The following WWC2 variants were observed in gnomAD, a reference collection of about 807,000 sequenced individuals.
WWC2 encodes the protein protein WWC2.
A neutral mutation model predicts 138.5 loss-of-function variants in WWC2; 101 were observed. That is an observed-to-expected ratio of 0.73 (90% CI 0.62 to 0.86). The LOEUF is 0.86. Ranked by LOEUF, WWC2 falls within the 40% of genes least tolerant of loss-of-function variation. The pLI is 0.00. For missense variants in WWC2, 1,420 were observed against 1,419.4 expected (o/e 1.00, Z -0.01); for synonymous variants, 558 against 538.4 (o/e 1.04, Z -0.50).
At chr4:183,157,037 G>A (rs185611748) in intron 1 of WWC2, among the ~76,000 whole-genome samples, 34 of 152,170 alleles carry the variant, frequency 2.2e-4, no homozygotes, top group Non-Finnish European at 4.7e-4. Context: ...ACACTATAAT[G>A]ATCTATATAT....
At chr4:183,221,214 A>C (rs1432807885) in intron 4 of WWC2, among the ~76,000 whole-genome samples, 2 of 152,246 alleles carry the variant, frequency 1.3e-5, no homozygotes, top group African/African-American at 4.8e-5. Flanking sequence ...GAGATTTTAT[A>C]ATCATAAATA....
intron 1 of WWC2, 74 bp downstream of exon 1, chr4:183,099,696 G>T: frequency 1.7e-6 from 2 of 1,162,306 alleles, no homozygotes; most frequent in Non-Finnish European, 2.1e-6. Flanking sequence ...GCCGCGCGGG[G>T]GGCTGGGGCG....
chr4:183,246,483 C>T (rs1435865373), intron 6 of WWC2, among the ~76,000 whole-genome samples: 1 of 152,066 alleles, frequency 6.6e-6, no homozygotes, highest in Non-Finnish European at 1.5e-5. Flanking sequence ...TATAATTTTG[C>T]ATTACTTGCA....
At chr4:183,164,311 TTATATATACATATATATATATATATACA>T (rs1561443744) in intron 1 of WWC2, among the ~76,000 whole-genome samples, 99 of 590 alleles carry the variant, frequency 0.17, 14 homozygotes, top group Admixed American at 0.42. Flanking sequence ...CATATATATA[TTATATATACATATATATATATATATACA>T]TATATATATT....
At chr4:183,252,958 C>T (rs919533084) in intron 8 of WWC2, among the ~76,000 whole-genome samples, 2 of 152,204 alleles carry the variant, frequency 1.3e-5, no homozygotes, top group Admixed American at 1.3e-4. Flanking sequence ...TGGCCTCAAA[C>T]TCCTGGGCTC....
At chr4:183,142,225 G>A (rs1418027869) in intron 1 of WWC2, among the ~76,000 whole-genome samples, 1 of 152,144 alleles carries the variant, frequency 6.6e-6, no homozygotes, top group Non-Finnish European at 1.5e-5. Flanking sequence ...CCTGGTTCTG[G>A]GGTTATATTG....
intron 1 of WWC2, among the ~76,000 whole-genome samples, chr4:183,176,814 T>C (rs1023953893): frequency 1.3e-5 from 2 of 152,150 alleles, no homozygotes; most frequent in Non-Finnish European, 2.9e-5. Context: ...AGAATGATCA[T>C]CAGTGGCAAA....
Position 183,317,663 on chromosome 4 carries a change from CT to C in WWC2, c.*1936del, listed in dbSNP as rs1739486755. 1 of 152,454 alleles carries C rather than the reference CT, an allele frequency of 6.6e-6. No homozygotes were observed. The highest frequency in any genetic ancestry group is 2.4e-5 in the African/African-American group (1 of 41,386). 9.4% of individuals were successfully genotyped at this position (152,454 alleles called of 1,614,324 possible). On this transcript the variant is annotated 3_prime_UTR_variant, in exon 23 of 23. Coordinates refer to ENST00000403733, the MANE Select transcript of WWC2 (RefSeq NM_024949.6). The stretch of plus-strand genomic sequence containing the variant: ...TTTTCTTCATTTATTTATTTACAGT[CT>C]TATTTATGTTCTGTTTAATATATAG...
At chr4:183,147,228 A>G (rs1012888347) in intron 1 of WWC2, among the ~76,000 whole-genome samples, 14 of 152,236 alleles carry the variant, frequency 9.2e-5, no homozygotes, top group African/African-American at 3.1e-4. Flanking sequence ...AGATGCTTAT[A>G]TATATGTATA....
intron 1 of WWC2, among the ~76,000 whole-genome samples, chr4:183,176,266 T>G (rs978858870): frequency 6.6e-6 from 1 of 152,182 alleles, no homozygotes; most frequent in African/African-American, 2.4e-5. Flanking sequence ...GGGATTGATT[T>G]GTGGCATGTT....
chr4:183,317,156 A>C lies in WWC2; in HGVS notation c.*1427A>C, dbSNP rs978863096. 6.7e-6 allele frequency: 1 copy of C among 150,332 alleles called. No individual in the cohort carries two copies. Among genetic ancestry groups the C allele is most frequent in the Non-Finnish European group, 1.5e-5 (1 of 67,492 alleles). The allele number at this position is 150,332 out of a possible 1,614,324, so 9.3% of individuals were successfully genotyped here. ...AAGAAATCCAAAATTGTCTTAAAGG[A>C]ATGGACCCCTTGAAGAAAAAAAAAA... On this transcript the variant is annotated 3_prime_UTR_variant, in exon 23 of 23. Transcript: ENST00000403733.
At chr4:183,177,382 T>A (rs1334119358) in intron 1 of WWC2, among the ~76,000 whole-genome samples, 3 of 152,182 alleles carry the variant, frequency 2.0e-5, no homozygotes, top group Non-Finnish European at 4.4e-5. Context: ...CAAATTGGTC[T>A]TGGTGAAATA....
intron 21 of WWC2, among the ~76,000 whole-genome samples, chr4:183,302,910 A>T (rs909950413): frequency 6.6e-6 from 1 of 152,086 alleles, no homozygotes; most frequent in African/African-American, 2.4e-5. Context: ...CTAAAGATGT[A>T]AAAATTAGCT....
intron 21 of WWC2, among the ~76,000 whole-genome samples, chr4:183,301,355 T>C (rs1438240287): frequency 6.6e-6 from 1 of 152,122 alleles, no homozygotes; most frequent in Non-Finnish European, 1.5e-5. Flanking sequence ...AATTATCTCA[T>C]CAATTACAAA....
intron 6 of WWC2, among the ~76,000 whole-genome samples, chr4:183,246,718 C>T (rs765130048): frequency 1.2e-4 from 19 of 152,268 alleles, no homozygotes; most frequent in Non-Finnish European, 2.5e-4. Flanking sequence ...TGGTAAGTAG[C>T]AAGACTATGG....
intron 1 of WWC2, among the ~76,000 whole-genome samples, chr4:183,186,704 A>C (rs1458843289): frequency 6.6e-6 from 1 of 152,102 alleles, no homozygotes; most frequent in Admixed American, 6.5e-5. Flanking sequence ...GATGCGAGAC[A>C]TGTAGAGAGG....
At chr4:183,292,719 T>C (rs1031192459) in intron 21 of WWC2, among the ~76,000 whole-genome samples, 1 of 152,190 alleles carries the variant, frequency 6.6e-6, no homozygotes, top group Non-Finnish European at 1.5e-5. Flanking sequence ...ACCTCAATTT[T>C]ATACAAACTC....
At chr4:183,152,029 G>A (rs1040967009) in intron 1 of WWC2, among the ~76,000 whole-genome samples, 9 of 152,138 alleles carry the variant, frequency 5.9e-5, no homozygotes, top group Non-Finnish European at 8.8e-5. Flanking sequence ...CCTCAGTGTC[G>A]TAACTGAAAG....
At chr4:183,214,910 A>G (rs1735710556) in intron 4 of WWC2, among the ~76,000 whole-genome samples, 1 of 152,290 alleles carries the variant, frequency 6.6e-6, no homozygotes, top group Non-Finnish European at 1.5e-5. Flanking sequence ...AAGTTCTTTC[A>G]GCTGTGACTT....
Sources: gnomAD v4.1 joint callset for allele counts (sites outside exome capture counted in the v4.1 genomes callset) on GRCh38, gnomAD v4.1.1 for gene constraint, MANE v1.5 for transcripts, NCBI Gene and HGNC (gene_info 2026-07-23, HGNC 2026-07-21) for gene names.